Variants in USP13 observed in about 807,000 individuals in gnomAD.
USP13 encodes ubiquitin specific peptidase 13.
USP13 carries 68 observed loss-of-function variants against 107.8 expected under a neutral mutation model. The ratio of observed to expected loss-of-function variants is 0.63; its 90% CI spans 0.52 to 0.77. The LOEUF (loss-of-function observed/expected upper bound fraction) is 0.77, where lower values mean the gene tolerates loss of function less well. Among genes scored for constraint, USP13 ranks in the 30% least tolerant of loss-of-function variants. The pLI, the probability that USP13 is intolerant of heterozygous loss-of-function variation, is 0.00. For synonymous variants in USP13, 377 were observed against 389.5 expected (o/e 0.97, Z 0.38); for missense variants, 945 against 1,093.3 (o/e 0.86, Z 1.91).
rs569269933 is a variant in USP13 at position 179,699,426 on chromosome 3, T to A, written c.356-1582T>A. 3.9e-5 allele frequency among the ~76,000 whole-genome samples: 6 copies of A among 152,282 alleles called. 1 individual carries two copies. The highest frequency in any genetic ancestry group is 1.4e-4 in the African/African-American group (6 of 41,564). ...CAATTTAGAATCTTTTATTAAAACATTGAAACCAGGCGTGGTGATTCACGC... is the reference window on the plus strand; with the variant it reads ...CAATTTAGAATCTTTTATTAAAACAATGAAACCAGGCGTGGTGATTCACGC... On this transcript the variant is annotated intron_variant, in intron 3 of 20. Coordinates refer to ENST00000263966, the MANE Select transcript of USP13 (RefSeq NM_003940.3).
intron 1 of USP13, among the ~76,000 whole-genome samples, chr3:179,677,750 G>A (rs1316909384): frequency 6.6e-6 from 1 of 151,826 alleles, no homozygotes; most frequent in Non-Finnish European, 1.5e-5. Flanking sequence ...GAACATTTTT[G>A]TTCTTCTGAT....
At chr3:179,762,412 C>G (rs892564855) in intron 17 of USP13, among the ~76,000 whole-genome samples, 2 of 152,138 alleles carry the variant, frequency 1.3e-5, no homozygotes, top group African/African-American at 4.8e-5. Context: ...GAAACCCCAT[C>G]TCTATTAAAA....
At chr3:179,768,345 C>T (rs1165907515) in intron 19 of USP13, among the ~76,000 whole-genome samples, 1 of 152,172 alleles carries the variant, frequency 6.6e-6, no homozygotes, top group African/African-American at 2.4e-5. Context: ...AGAACAGCCA[C>T]ATCATCTCCT....
intron 6 of USP13, among the ~76,000 whole-genome samples, chr3:179,714,390 A>G (rs1303846714): frequency 6.6e-6 from 1 of 152,142 alleles, no homozygotes; most frequent in Non-Finnish European, 1.5e-5. Context: ...ACTTCATGTT[A>G]GTTTTGGCCT....
Position 179,653,215 on chromosome 3 carries a change from G to A in USP13, c.-11G>A. 1 of 1,502,760 alleles carries A rather than the reference G, an allele frequency of 6.7e-7. No individual in the cohort carries two copies. The highest frequency in any genetic ancestry group is 8.9e-7 in the Non-Finnish European group (1 of 1,126,166). The allele number at this position is 1,502,760 out of a possible 1,614,324, so 93.1% of individuals were successfully genotyped here. On this transcript the variant is annotated 5_prime_UTR_variant, in exon 1 of 21. Coordinates refer to ENST00000263966, the MANE Select transcript of USP13 (RefSeq NM_003940.3). This position sits in a 1 kb window ranked among gnomAD's most constrained non-coding sequence, Gnocchi z 4.0. ...GGCTCGGCTCGCTCGGCTCCGGTGCGCGCCGAGGCCATGCAGCGCCGGGGC... is the reference window on the plus strand; with the variant it reads ...GGCTCGGCTCGCTCGGCTCCGGTGCACGCCGAGGCCATGCAGCGCCGGGGC...
chr3:179,720,818 T>A (rs923580232), intron 7 of USP13, among the ~76,000 whole-genome samples: 1 of 151,946 alleles, frequency 6.6e-6, no homozygotes, highest in African/African-American at 2.4e-5. Flanking sequence ...AATCTTTTTT[T>A]TTTTTTTGAG....
At position 179,785,306 on chromosome 3, in the gene USP13, T is replaced by G. The variant is rs1335768903; in HGVS notation, c.*1165T>G. On this transcript the variant is annotated 3_prime_UTR_variant, in exon 21 of 21. Transcript: ENST00000263966. ...ACTTGCCTTCATTGCTTGTCTGATGTGACCAACAGTGTGATCTTGGACACA... is the reference window on the plus strand; with the variant it reads ...ACTTGCCTTCATTGCTTGTCTGATGGGACCAACAGTGTGATCTTGGACACA... The G allele has an allele frequency of 6.6e-6, 1 of 152,176 alleles. No individual in the cohort carries two copies. Among genetic ancestry groups the G allele is most frequent in the Admixed American group, 6.5e-5 (1 of 15,274 alleles). 9.4% of individuals were successfully genotyped at this position (152,176 alleles called of 1,614,324 possible).
chr3:179,737,548 A>T (rs1049819270), intron 10 of USP13, among the ~76,000 whole-genome samples: 2 of 152,218 alleles, frequency 1.3e-5, no homozygotes, highest in Non-Finnish European at 2.9e-5. Flanking sequence ...GAAAGTCACA[A>T]TTTTTACATA....
chr3:179,775,326 CAG>C (rs1187647875), intron 19 of USP13, among the ~76,000 whole-genome samples: 1 of 152,172 alleles, frequency 6.6e-6, no homozygotes, highest in Non-Finnish European at 1.5e-5. Flanking sequence ...TAGCTAGACA[CAG>C]AGTACTGATC....
chr3:179,733,347 G>T (rs1576962377), intron 10 of USP13, among the ~76,000 whole-genome samples: 2 of 152,280 alleles, frequency 1.3e-5, no homozygotes, highest in Non-Finnish European at 2.9e-5. Context: ...CACTCAAATA[G>T]AGCTCACATT....
At chr3:179,693,279 G>C (rs752344232) in intron 3 of USP13, among the ~76,000 whole-genome samples, 1 of 152,066 alleles carries the variant, frequency 6.6e-6, no homozygotes, top group Non-Finnish European at 1.5e-5. Flanking sequence ...CTCCCAAGTA[G>C]CTGGGACTAC....
At chr3:179,768,973 A>G (rs996070100) in intron 19 of USP13, among the ~76,000 whole-genome samples, 1 of 152,214 alleles carries the variant, frequency 6.6e-6, no homozygotes, top group Admixed American at 6.5e-5. Context: ...GGAAATATAG[A>G]TATATGAAAA....
intron 18 of USP13, 121 bp downstream of exon 18, chr3:179,764,289 G>A: frequency 1.4e-6 from 2 of 1,382,734 alleles, no homozygotes; most frequent in Admixed American, 6.2e-5. Flanking sequence ...TCATCTAACT[G>A]TGAATCTCAT....
At chr3:179,756,399 G>T (rs1306240577) in intron 15 of USP13, among the ~76,000 whole-genome samples, 1 of 151,102 alleles carries the variant, frequency 6.6e-6, no homozygotes, top group Admixed American at 6.7e-5. Flanking sequence ...GGCAGAGCGA[G>T]ACCCTGTCTC....
intron 6 of USP13, among the ~76,000 whole-genome samples, chr3:179,715,556 G>T (rs920579173): frequency 2.0e-5 from 3 of 150,708 alleles, no homozygotes; most frequent in African/African-American, 7.3e-5. Flanking sequence ...GTAGAGACGG[G>T]GTTTCACCAT....
At chr3:179,744,897 CA>C (rs756688589) in intron 12 of USP13, 145 bp from the exon 13 acceptor site, 17 of 896,724 alleles carry the variant, frequency 1.9e-5, no homozygotes, top group Non-Finnish European at 2.8e-5. Context: ...AGCCTTTCAG[CA>C]GGGGCATCTG....
chr3:179,677,558 C>T (rs552078045), intron 1 of USP13, among the ~76,000 whole-genome samples: 2 of 151,820 alleles, frequency 1.3e-5, no homozygotes, highest in South Asian at 4.2e-4. Context: ...CCAGCCTGGG[C>T]AACAAGAACA....
chr3:179,682,844 T>A (rs1711713337), intron 2 of USP13, among the ~76,000 whole-genome samples: 1 of 152,218 alleles, frequency 6.6e-6, no homozygotes, highest in Non-Finnish European at 1.5e-5. Flanking sequence ...GAAGTGGTAG[T>A]GCAGGCTCAT....
intron 5 of USP13, among the ~76,000 whole-genome samples, chr3:179,708,127 G>C (rs1026340137): frequency 6.6e-6 from 1 of 152,112 alleles, no homozygotes; most frequent in African/African-American, 2.4e-5. Flanking sequence ...TTTTAAACTT[G>C]TTCAAGCTCC....
Sources: gnomAD v4.1 joint callset for allele counts (sites outside exome capture counted in the v4.1 genomes callset) on GRCh38, gnomAD v4.1.1 for gene constraint, Gnocchi (gnomAD v3.1) non-coding constraint, MANE v1.5 for transcripts, NCBI Gene and HGNC (gene_info 2026-07-23, HGNC 2026-07-21) for gene names.